VRK2: variants seen among roughly 807,000 people sequenced by gnomAD.
VRK2 encodes the protein VRK serine/threonine kinase 2.
A neutral mutation model predicts 57.6 loss-of-function variants in VRK2; 60 were observed. The observed-to-expected ratio is 1.04, with a 90% confidence interval of 0.85 to 1.29. The LOEUF (loss-of-function observed/expected upper bound fraction) is 1.29. VRK2 is among the 50% of genes most tolerant of loss of function. VRK2 has a pLI of 0.00. For synonymous variants in VRK2, 231 were observed against 199.2 expected, an observed-to-expected ratio of 1.16 and a Z score of -1.35; for missense variants, 705 against 588.1, an observed-to-expected ratio of 1.20 and a Z score of -2.06.
chr2:58,046,538 G>A (rs1674767858), upstream of VRK2: 4 of 985,562 alleles, frequency 4.1e-6, no homozygotes, highest in Non-Finnish European at 4.8e-6. Flanking sequence ...CTGGTCTGGC[G>A]GCGGTTCTTC....
At chr2:58,146,256 A>AT (rs1483075827) in intron 11 of VRK2, 60 bp from the exon 12 acceptor site, 8 of 1,428,892 alleles carry the variant, frequency 5.6e-6, no homozygotes, top group Non-Finnish European at 7.5e-6. Context: ...ACATATATGC[A>AT]TTTTTTAGAG....
At chr2:58,134,200 C>T (rs1439443801) in intron 9 of VRK2, among the ~76,000 whole-genome samples, 1 of 152,118 alleles carries the variant, frequency 6.6e-6, no homozygotes, top group Non-Finnish European at 1.5e-5. Context: ...GAAACTAGAA[C>T]CCCTGTACCC....
chr2:58,037,221 C>T (rs938461617), intron 3 of VRK2, among the ~76,000 whole-genome samples: 1 of 152,200 alleles, frequency 6.6e-6, no homozygotes, highest in African/African-American at 2.4e-5. Flanking sequence ...CAGGCATGAG[C>T]CACCATTCCC....
At chr2:58,085,543 G>C (rs1481058143) in intron 4 of VRK2, among the ~76,000 whole-genome samples, 1 of 151,924 alleles carries the variant, frequency 6.6e-6, no homozygotes, top group African/African-American at 2.4e-5. Context: ...ATGTGATATA[G>C]ATGGGCTAAG....
intron 1 of VRK2, among the ~76,000 whole-genome samples, chr2:57,998,249 T>A (rs1438857942): frequency 6.6e-6 from 1 of 152,236 alleles, no homozygotes; most frequent in Admixed American, 6.5e-5. Context: ...ATGAGTATCA[T>A]GTTTCCACCC....
intron 1 of VRK2, among the ~76,000 whole-genome samples, chr2:57,986,551 CA>C (rs1558526898): frequency 6.8e-6 from 1 of 147,332 alleles, no homozygotes. Context: ...ATATTTGCAA[CA>C]AAAAAGACTT....
At chr2:58,065,085 C>T (rs2103932646) in intron 2 of VRK2, among the ~76,000 whole-genome samples, 1 of 151,962 alleles carries the variant, frequency 6.6e-6, no homozygotes, top group South Asian at 2.1e-4. Flanking sequence ...AATATTTTTG[C>T]TTCTATTTTA....
At chr2:58,107,472 T>A (rs17049341) in intron 7 of VRK2, among the ~76,000 whole-genome samples, 5,608 of 152,252 alleles carry the variant, frequency 0.037, 356 homozygotes, top group African/African-American at 0.13. Context: ...CCATTTTTAA[T>A]AGTCATGAAT....
chr2:57,941,144 A>T (rs1175576978), intron 1 of VRK2, among the ~76,000 whole-genome samples: 1 of 152,200 alleles, frequency 6.6e-6, no homozygotes, highest in African/African-American at 2.4e-5. Context: ...GGACACTGAA[A>T]TGCCACAAAG....
rs571585171 is a variant in VRK2, at chr2:58,134,041, T to C, written c.798-1100T>C. On this transcript the variant is annotated intron_variant, in intron 9 of 12. Coordinates refer to ENST00000340157, the MANE Select transcript of VRK2 (RefSeq NM_006296.7). ...GTGATGCTTTGGCATGCTGAGACCT[T>C]TGAACTGAAAGAGACTGGATGGCCC... Among the ~76,000 whole-genome samples, 302 of 152,248 alleles carry C rather than the reference T, an allele frequency of 2.0e-3. 1 individual carries two copies. The highest frequency in any genetic ancestry group is 6.8e-3 in the Middle Eastern group (2 of 294).
intron 1 of VRK2, among the ~76,000 whole-genome samples, chr2:57,959,216 A>T (rs1671679437): frequency 2.0e-5 from 3 of 152,204 alleles, no homozygotes; most frequent in Non-Finnish European, 4.4e-5. Context: ...TGGATCTTAA[A>T]TAGCACAAGG....
chr2:57,918,689 G>C (rs1670234808), intron 1 of VRK2, among the ~76,000 whole-genome samples: 1 of 152,036 alleles, frequency 6.6e-6, no homozygotes, highest in Non-Finnish European at 1.5e-5. Flanking sequence ...GGAGTTTTTA[G>C]TAATATAAAA....
At chr2:58,154,675 A>G in intron 12 of VRK2, 1 of 711,314 alleles carries the variant, frequency 1.4e-6, no homozygotes. Flanking sequence ...GGGTCTTTAA[A>G]TTTTAAAGCA....
intron 12 of VRK2, among the ~76,000 whole-genome samples, chr2:58,147,968 T>C (rs1293682229): frequency 6.6e-6 from 1 of 151,918 alleles, no homozygotes; most frequent in Admixed American, 6.6e-5. Context: ...ACATTTGGGC[T>C]ACTACTCATT....
intron 7 of VRK2, among the ~76,000 whole-genome samples, chr2:58,094,907 G>A (rs559300899): frequency 6.6e-6 from 1 of 152,080 alleles, no homozygotes; most frequent in Non-Finnish European, 1.5e-5. Context: ...TTTAACATTG[G>A]ATTGGACTAG....
At position 58,116,998 on chromosome 2, in the gene VRK2, C is replaced by CT. The variant is rs1320005403; in HGVS notation, c.544-6094dup. On this transcript the variant is annotated intron_variant, in intron 7 of 12. Transcript: ENST00000340157. ...TCACAGTGGAGGCAAGGAGTTGCAA[C>CT]TTTTTTTTTATTATTGTACACCTTG... Among the ~76,000 whole-genome samples, 14 of 151,644 alleles carry CT rather than the reference C, an allele frequency of 9.2e-5. 1 individual carries two copies. Among genetic ancestry groups the CT allele is most frequent in the South Asian group, 6.3e-4 (3 of 4,784 alleles).
intron 1 of VRK2, 110 bp from the exon 2 acceptor site, chr2:58,048,717 C>T (rs1352870191): frequency 6.7e-7 from 1 of 1,497,068 alleles, no homozygotes; most frequent in Non-Finnish European, 8.9e-7. Context: ...ATCCTAATTT[C>T]TGGGAACCTG....
chr2:58,064,546 G>T (rs766635147), intron 2 of VRK2, among the ~76,000 whole-genome samples: 64 of 152,128 alleles, frequency 4.2e-4, no homozygotes, highest in Admixed American at 3.3e-4. Flanking sequence ...ATAAACTACA[G>T]TATAGTGTAA....
rs193145861 is a variant in VRK2 at position 58,127,298 on chromosome 2, A to G, written c.676+4065A>G. On this transcript the variant is annotated intron_variant, in intron 8 of 12. Coordinates refer to ENST00000340157, the MANE Select transcript of VRK2 (RefSeq NM_006296.7). ...TTTTCGTGCTACCAAACTTGGGGAA[A>G]TGACATGGTTTACGCAATACTTATG... Among the ~76,000 whole-genome samples, 3 of 152,268 alleles carry G rather than the reference A, an allele frequency of 2.0e-5. No individual in the cohort carries two copies. In the East Asian group the frequency reaches 5.8e-4, roughly 29 times the overall value.
Sources: gnomAD v4.1 joint callset for allele counts (sites outside exome capture counted in the v4.1 genomes callset) on GRCh38, gnomAD v4.1.1 for gene constraint, MANE v1.5 for transcripts, NCBI Gene and HGNC (gene_info 2026-07-23, HGNC 2026-07-21) for gene names.